TOP2B: variants seen among roughly 807,000 people sequenced by gnomAD.
TOP2B encodes the protein DNA topoisomerase II beta.
Under a neutral mutation model 193.5 loss-of-function variants are expected in TOP2B, and 51 were observed. The ratio of observed to expected loss-of-function variants is 0.26; its 90% CI spans 0.21 to 0.33. The LOEUF (loss-of-function observed/expected upper bound fraction) is 0.33, where lower values mean the gene tolerates loss of function less well. Among genes scored for constraint, TOP2B ranks in the 10% least tolerant of loss-of-function variants. The probability of loss-of-function intolerance (pLI) is 1.00; values close to 1 mark genes in which losing one functional copy is unlikely to be tolerated. For synonymous variants in TOP2B, 634 were observed against 635.7 expected, an observed-to-expected ratio of 1.00 and a Z score of 0.04; for missense variants, 1,378 against 1,909.3, an observed-to-expected ratio of 0.72 and a Z score of 5.19.
chr3:25,656,012 T>C (rs1260320279), intron 1 of TOP2B, among the ~76,000 whole-genome samples: 1 of 152,232 alleles, frequency 6.6e-6, no homozygotes, highest in Non-Finnish European at 1.5e-5. Flanking sequence ...ACAGTAAATT[T>C]AATGTTGTAT....
chr3:25,658,126 G>T (rs1252391005), intron 1 of TOP2B, among the ~76,000 whole-genome samples: 1 of 151,214 alleles, frequency 6.6e-6, no homozygotes, highest in African/African-American at 2.4e-5. Context: ...TACTCAGGAG[G>T]CTGAGGCAGG....
intron 4 of TOP2B, among the ~76,000 whole-genome samples, chr3:25,640,929 T>C (rs1294773316): frequency 2.0e-5 from 3 of 151,820 alleles, no homozygotes; most frequent in Non-Finnish European, 4.4e-5. Context: ...CCAGATAATT[T>C]TGGTGTTTTT....
chr3:25,622,570 T>C (rs1702685530), intron 21 of TOP2B, among the ~76,000 whole-genome samples: 1 of 151,638 alleles, frequency 6.6e-6, no homozygotes, highest in Admixed American at 6.6e-5. Flanking sequence ...AGGAAGGACA[T>C]TTTTCTTGGA....
chr3:25,641,466 T>C lies in TOP2B; in HGVS notation c.395+856A>G, dbSNP rs376789945. ...TTCTGTATAAGTTGTAACTTATGTCTTGTATGCCTTATATAACTTCTCAAG... is the reference window on the plus strand; with the variant it reads ...TTCTGTATAAGTTGTAACTTATGTCCTGTATGCCTTATATAACTTCTCAAG... On this transcript the variant is annotated intron_variant, in intron 4 of 35. Coordinates refer to ENST00000264331, the MANE Select transcript of TOP2B (RefSeq NM_001330700.2). Among the ~76,000 whole-genome samples, 6 of 152,282 alleles carry C rather than the reference T, an allele frequency of 3.9e-5. No homozygotes were observed. The East Asian group carries it at 7.7e-4, about 20-fold the overall frequency.
intron 3 of TOP2B, among the ~76,000 whole-genome samples, chr3:25,642,835 G>A (rs1469971382): frequency 2.0e-5 from 3 of 152,066 alleles, no homozygotes; most frequent in Non-Finnish European, 4.4e-5. Flanking sequence ...CAAAGAAAAA[G>A]TCTTTAACAC....
At position 25,645,488 on chromosome 3, in the gene TOP2B, A is replaced by T. The variant is rs1378024611; in HGVS notation, c.70-18T>A. On this transcript the variant is annotated intron_variant, in intron 1 of 35. Coordinates refer to ENST00000264331, the MANE Select transcript of TOP2B (RefSeq NM_001330700.2). Reference sequence around the variant, plus strand: ...AAAAGAGTCTAAAATTAACCAAAAAATCAAATTTAAATAACCTACCAAGGG... The same window carrying T: ...AAAAGAGTCTAAAATTAACCAAAAATTCAAATTTAAATAACCTACCAAGGG... 1.3e-6 allele frequency: 2 copies of T among 1,579,694 alleles called. No homozygotes were observed. Among genetic ancestry groups the T allele is most frequent in the South Asian group, 1.2e-5 (1 of 85,518 alleles).
At position 25,619,960 on chromosome 3, in the gene TOP2B, A is replaced by G; in HGVS notation, c.2965T>C (p.Phe989Leu). 6.2e-7 allele frequency: 1 copy of G among 1,612,666 alleles called. No homozygotes were observed. The highest frequency in any genetic ancestry group is 8.5e-7 in the Non-Finnish European group (1 of 1,179,216). ...TTCTCTTCAGTCATTTTCACCACAAATTTCACAGTTGTGTCAGTATGATAT... is the reference window on the plus strand; with the variant it reads ...TTCTCTTCAGTCATTTTCACCACAAGTTTCACAGTTGTGTCAGTATGATAT... Reference protein sequence around the residue: ...KEYHTDTTVKFVVKMTEEKLA... With the variant: ...KEYHTDTTVKLVVKMTEEKLA... Residue 989 changes from phenylalanine (F) to leucine (L), a missense_variant, in exon 23 of 36, where the codon TTT becomes CTT. Phe to Leu is a conservative substitution (Grantham distance 22, BLOSUM62 0). Coordinates refer to ENST00000264331, the MANE Select transcript of TOP2B (RefSeq NM_001330700.2).
At chr3:25,661,649 C>T (rs540744277) in intron 1 of TOP2B, among the ~76,000 whole-genome samples, 2 of 152,228 alleles carry the variant, frequency 1.3e-5, no homozygotes, top group Admixed American at 1.3e-4. Context: ...ATATTTTTCA[C>T]TTTTTTTAAT....
At chr3:25,661,082 C>T (rs546939826) in intron 1 of TOP2B, among the ~76,000 whole-genome samples, 6 of 150,148 alleles carry the variant, frequency 4.0e-5, no homozygotes, top group African/African-American at 1.5e-4. Context: ...CTCACCGCAA[C>T]CTCCGCCTCC....
At chr3:25,598,743 T>C (rs893876435) in intron 35 of TOP2B, among the ~76,000 whole-genome samples, 3 of 152,150 alleles carry the variant, frequency 2.0e-5, no homozygotes, top group African/African-American at 4.8e-5. Context: ...TTTCTGAAAT[T>C]ATATATTACC....
Position 25,627,297 on chromosome 3 carries a change from C to A in TOP2B, c.1907-1G>T. ...TCTTTAGCTGTACTAGTACCCAATC[C>A]TGCACAATTTTAAAAATAAAAGTGA... On this transcript the variant is annotated splice_acceptor_variant, in intron 15 of 35. Transcript: ENST00000264331. LOFTEE classifies it high-confidence loss of function. The A allele has an allele frequency of 6.4e-7, 1 of 1,555,898 alleles. No homozygotes were observed.
chr3:25,602,780 A>G (rs1702142052), intron 33 of TOP2B, among the ~76,000 whole-genome samples: 2 of 152,220 alleles, frequency 1.3e-5, no homozygotes, highest in Admixed American at 1.3e-4. Flanking sequence ...CCAGGCAAAC[A>G]GGTCAGATAT....
chr3:25,640,694 T>G (rs1703232603), intron 4 of TOP2B, among the ~76,000 whole-genome samples: 1 of 150,062 alleles, frequency 6.7e-6, no homozygotes, highest in South Asian at 2.1e-4. Context: ...ATAAGTAAAA[T>G]AAACCAAGAG....
chr3:25,660,807 AAT>A (rs1187674504), intron 1 of TOP2B, among the ~76,000 whole-genome samples: 7 of 152,210 alleles, frequency 4.6e-5, no homozygotes, highest in Non-Finnish European at 1.0e-4. Flanking sequence ...ACACTCCAAA[AAT>A]ATGTTATATA....
intron 2 of TOP2B, 26 bp downstream of exon 2, chr3:25,645,274 T>C (rs1471546605): frequency 6.7e-7 from 1 of 1,503,748 alleles, no homozygotes; most frequent in African/African-American, 1.4e-5. Context: ...CATCTCCTAA[T>C]TTCAATCAAT....
intron 1 of TOP2B, among the ~76,000 whole-genome samples, chr3:25,650,197 A>G (rs1281280064): frequency 6.6e-6 from 1 of 152,164 alleles, no homozygotes; most frequent in Non-Finnish European, 1.5e-5. Context: ...ATGGAGAAAG[A>G]CTCTGGTGAA....
intron 2 of TOP2B, among the ~76,000 whole-genome samples, chr3:25,644,570 G>A (rs1054109363): frequency 6.6e-6 from 1 of 151,474 alleles, no homozygotes. Flanking sequence ...GCGTGGTGGC[G>A]CATGCCTGTA....
rs1227521350 is a variant in TOP2B at position 25,638,280 on chromosome 3, A to G, written c.426T>C (p.Asn142=). 2.3e-6 allele frequency: 3 copies of G among 1,290,518 alleles called. No homozygotes were observed. Among genetic ancestry groups the G allele is most frequent in the Admixed American group, 2.5e-5 (1 of 39,222 alleles). The allele number at this position is 1,290,518 out of a possible 1,614,324, so 79.9% of individuals were successfully genotyped here. A position where few individuals can be genotyped will look rare whatever the true frequency, so the allele number is the denominator to read the frequency against. ...PESNIISIWN[N]GKGIPVVEHK... is the part of the protein sequence containing the mutation. ...GTTCTACTACTGGAATGCCTTTCCC[A>G]TTATTCCAAATGCTTATAATGTTAG... is the stretch of plus-strand genomic sequence containing the variant. Residue 142 remains asparagine (N), a synonymous_variant, in exon 5 of 36, where the codon AAT becomes AAC. Transcript: ENST00000264331.
chr3:25,603,851 A>C (rs1166253210), intron 33 of TOP2B, among the ~76,000 whole-genome samples: 1 of 152,180 alleles, frequency 6.6e-6, no homozygotes, highest in Non-Finnish European at 1.5e-5. Context: ...AACTTTCCTC[A>C]ATCTGCTAGT....
Sources: allele counts gnomAD v4.1 joint callset (sites outside exome capture counted in the v4.1 genomes callset), GRCh38; gene constraint gnomAD v4.1.1; transcripts MANE v1.5; gene names NCBI Gene and HGNC (gene_info 2026-07-23, HGNC 2026-07-21).